Variants in RCAN1 observed in about 807,000 individuals in gnomAD.
The protein encoded by RCAN1 is regulator of calcineurin 1.
Under a neutral mutation model 22.9 loss-of-function variants are expected in RCAN1, and 11 were observed. The ratio of observed to expected loss-of-function variants is 0.48; its 90% CI spans 0.30 to 0.79. The LOEUF (loss-of-function observed/expected upper bound fraction) is 0.79, where lower values mean the gene tolerates loss of function less well. Among genes scored for constraint, RCAN1 ranks in the 30% least tolerant of loss-of-function variants. The pLI is 0.06. For missense variants in RCAN1, 291 were observed against 337.8 expected, an observed-to-expected ratio of 0.86 and a Z score of 1.09; for synonymous variants, 136 against 142.3, an observed-to-expected ratio of 0.96 and a Z score of 0.32.
intron 1 of RCAN1, among the ~76,000 whole-genome samples, chr21:34,584,207 A>G (rs1232275148): frequency 6.6e-6 from 1 of 152,212 alleles, no homozygotes; most frequent in Non-Finnish European, 1.5e-5. Flanking sequence ...ATCTCTATTA[A>G]TATCCCTCCC....
At chr21:34,578,536 G>C (rs905242977) in intron 1 of RCAN1, among the ~76,000 whole-genome samples, 2 of 152,148 alleles carry the variant, frequency 1.3e-5, no homozygotes, top group African/African-American at 4.8e-5. Context: ...CAGGGCGGCA[G>C]ATCAGAACAG....
chr21:34,521,527 G>A lies in RCAN1; in HGVS notation c.558C>T (p.Leu186=). The A allele has an allele frequency of 6.2e-7, 1 of 1,614,226 alleles. No individual in the cohort carries two copies. Among genetic ancestry groups the A allele is most frequent in the South Asian group, 1.1e-5 (1 of 91,088 alleles). ...GCCCCAGCTTGGAGATGGCATATAA[G>A]AGATCATAGTTTATGACTGGGGTCG... ...EDATPVINYD[L]LYAISKLGPG... is the part of the protein sequence containing the mutation. Residue 186 remains leucine (L), a synonymous_variant, in exon 3 of 4, where the codon CTC becomes CTT. Coordinates refer to ENST00000313806, the MANE Select transcript of RCAN1 (RefSeq NM_004414.7).
At chr21:34,526,911 C>T in intron 1 of RCAN1, 3 of 1,432,876 alleles carry the variant, frequency 2.1e-6, no homozygotes. Context: ...TCCACAGCAT[C>T]CTGTTTGGAC....
chr21:34,591,196 C>T (rs550047934), intron 1 of RCAN1, among the ~76,000 whole-genome samples: 1 of 152,148 alleles, frequency 6.6e-6, no homozygotes, highest in Non-Finnish European at 1.5e-5. Flanking sequence ...ATAATGTAGC[C>T]GTGAACAAAA....
intron 1 of RCAN1, chr21:34,613,660 T>G: frequency 8.5e-7 from 1 of 1,173,410 alleles, no homozygotes; most frequent in South Asian, 2.4e-5. Flanking sequence ...GATCAATCAG[T>G]AAGACCCTGA....
chr21:34,560,743 A>G (rs1312765818), intron 1 of RCAN1, among the ~76,000 whole-genome samples: 1 of 152,258 alleles, frequency 6.6e-6, no homozygotes, highest in Non-Finnish European at 1.5e-5. Flanking sequence ...AGACATCAGA[A>G]GAATGATACA....
At chr21:34,530,625 T>TG (rs1555856747) in intron 1 of RCAN1, among the ~76,000 whole-genome samples, 19 of 72,008 alleles carry the variant, frequency 2.6e-4, no homozygotes, top group African/African-American at 8.7e-4. Context: ...AGTTTTTTTT[T>TG]TTTTTTTTTT....
chr21:34,575,847 CA>C (rs1225876671), intron 1 of RCAN1, among the ~76,000 whole-genome samples: 9 of 152,138 alleles, frequency 5.9e-5, no homozygotes, highest in Non-Finnish European at 1.2e-4. Context: ...CTAGTGACCC[CA>C]AAAGGTGTCA....
intron 1 of RCAN1, among the ~76,000 whole-genome samples, chr21:34,592,830 A>G (rs532905538): frequency 2.0e-5 from 3 of 152,320 alleles, no homozygotes; most frequent in Admixed American, 1.3e-4. Context: ...AGAGATATCA[A>G]TCTACAACTA....
intron 1 of RCAN1, among the ~76,000 whole-genome samples, chr21:34,580,038 G>A (rs1337179287): frequency 6.6e-6 from 1 of 152,234 alleles, no homozygotes; most frequent in Non-Finnish European, 1.5e-5. Flanking sequence ...TCAGAGAACA[G>A]AGGGGAAAGT....
intron 1 of RCAN1, among the ~76,000 whole-genome samples, chr21:34,585,256 T>C (rs1987750319): frequency 6.6e-6 from 1 of 152,236 alleles, no homozygotes; most frequent in Non-Finnish European, 1.5e-5. Context: ...TTTATAAGCA[T>C]TCTTAGAATA....
At chr21:34,557,465 C>T (rs141899539) in intron 1 of RCAN1, among the ~76,000 whole-genome samples, 7 of 152,242 alleles carry the variant, frequency 4.6e-5, no homozygotes, top group Admixed American at 6.5e-5. Context: ...TTGCTCAAGT[C>T]GGGGAATGAG....
chr21:34,611,505 A>AT (rs1471504705), intron 1 of RCAN1, among the ~76,000 whole-genome samples: 2 of 152,222 alleles, frequency 1.3e-5, no homozygotes, highest in South Asian at 2.1e-4. Context: ...GTTCAGGTTA[A>AT]TTTTTTTTCT....
At chr21:34,572,183 G>A (rs2123684235) in intron 1 of RCAN1, among the ~76,000 whole-genome samples, 1 of 152,270 alleles carries the variant, frequency 6.6e-6, no homozygotes, top group Admixed American at 6.5e-5. Context: ...AGAGGTCAAG[G>A]TAAAAAGTCC....
chr21:34,544,608 A>G lies in RCAN1; in HGVS notation c.253-20898T>C, dbSNP rs956689184. The stretch of plus-strand genomic sequence containing the variant: ...TCACACAGCAATAGAAAACTAATAT[A>G]TATTTACTGAATCAGAAACTCTGCT... On this transcript the variant is annotated intron_variant, in intron 1 of 3. Transcript: ENST00000313806. Among the ~76,000 whole-genome samples the G allele has an allele frequency of 3.3e-5, 5 of 152,180 alleles. No individual in the cohort carries two copies. In the South Asian group the frequency reaches 1.0e-3, roughly 31 times the overall value.
At chr21:34,597,040 C>A (rs1988183593) in intron 1 of RCAN1, among the ~76,000 whole-genome samples, 1 of 152,158 alleles carries the variant, frequency 6.6e-6, no homozygotes, top group African/African-American at 2.4e-5. Context: ...TCAGTTTCGT[C>A]ATGAACTTGC....
At position 34,533,000 on chromosome 21, in the gene RCAN1, G is replaced by C. The variant is rs570714457; in HGVS notation, c.253-9290C>G. 2.4e-4 allele frequency among the ~76,000 whole-genome samples: 35 copies of C among 147,266 alleles called. No homozygotes were observed. In the South Asian group the frequency reaches 3.0e-3, roughly 13 times the overall value. On this transcript the variant is annotated intron_variant, in intron 1 of 3. Coordinates refer to ENST00000313806, the MANE Select transcript of RCAN1 (RefSeq NM_004414.7). ...TTTTGAGACGGAGTCTTGCTCTGTC[G>C]CCCAGGCTGGAGTGCAGTGGCACTA... is the stretch of plus-strand genomic sequence containing the variant.
At chr21:34,561,478 T>G (rs189433315) in intron 1 of RCAN1, among the ~76,000 whole-genome samples, 1 of 152,166 alleles carries the variant, frequency 6.6e-6, no homozygotes, top group Non-Finnish European at 1.5e-5. Flanking sequence ...ACCTACAATA[T>G]CCAACTTATT....
intron 1 of RCAN1, among the ~76,000 whole-genome samples, chr21:34,608,761 C>T (rs1291845033): frequency 1.3e-5 from 2 of 152,174 alleles, no homozygotes; most frequent in African/African-American, 4.8e-5. Context: ...ATTGTATATA[C>T]AGACCCAATC....
Sources: allele counts gnomAD v4.1 joint callset (sites outside exome capture counted in the v4.1 genomes callset), GRCh38; gene constraint gnomAD v4.1.1; transcripts MANE v1.5; gene names NCBI Gene and HGNC (gene_info 2026-07-23, HGNC 2026-07-21).